The following VPS41 variants were observed in gnomAD, a reference collection of about 807,000 sequenced individuals.
The protein encoded by VPS41 is vacuolar protein sorting-associated protein 41 homolog.
In VPS41, 85 loss-of-function variants were observed where a neutral mutation model predicts 130.9. That is an observed-to-expected ratio of 0.65 (90% CI 0.55 to 0.78). The LOEUF (loss-of-function observed/expected upper bound fraction) is 0.78. Among genes scored for constraint, VPS41 ranks in the 30% least tolerant of loss-of-function variants. VPS41 has a pLI of 0.00. For missense variants in VPS41, 874 were observed against 1,018.7 expected (o/e 0.86, Z 1.93); for synonymous variants, 335 against 332.9 (o/e 1.01, Z -0.07).
chr7:38,780,170 T>G (rs1385709741), intron 10 of VPS41, among the ~76,000 whole-genome samples: 3 of 136,888 alleles, frequency 2.2e-5, no homozygotes, highest in African/African-American at 8.3e-5. Context: ...GACAGGGTGT[T>G]TTTTTTTTTG....
chr7:38,879,905 A>G (rs890363433), intron 2 of VPS41, among the ~76,000 whole-genome samples: 1 of 150,290 alleles, frequency 6.7e-6, no homozygotes, highest in Non-Finnish European at 1.5e-5. Context: ...AAAAAAAAAA[A>G]GAAAGAAAGA....
At chr7:38,895,700 C>G (rs1786970871) in intron 2 of VPS41, among the ~76,000 whole-genome samples, 1 of 152,160 alleles carries the variant, frequency 6.6e-6, no homozygotes, top group Admixed American at 6.5e-5. Context: ...TTAATTTCCT[C>G]TGCTTTGTCC....
At chr7:38,740,678 C>G (rs17617903) in intron 25 of VPS41, among the ~76,000 whole-genome samples, 1 of 151,972 alleles carries the variant, frequency 6.6e-6, no homozygotes. Context: ...CAAAGCTCTC[C>G]GGAGTGAAGG....
At chr7:38,866,493 G>A (rs1786232091) in intron 3 of VPS41, among the ~76,000 whole-genome samples, 1 of 152,176 alleles carries the variant, frequency 6.6e-6, no homozygotes, top group African/African-American at 2.4e-5. Flanking sequence ...CGTGGCTTAG[G>A]TGACAAAGGA....
intron 2 of VPS41, among the ~76,000 whole-genome samples, chr7:38,893,051 A>C (rs1031882100): frequency 1.3e-5 from 2 of 151,998 alleles, no homozygotes; most frequent in African/African-American, 4.8e-5. Context: ...CTTCCAGTTC[A>C]TCTGTCACCA....
chr7:38,847,147 G>A (rs183628637), intron 4 of VPS41, among the ~76,000 whole-genome samples: 8 of 152,352 alleles, frequency 5.3e-5, no homozygotes, highest in Non-Finnish European at 1.2e-4. Flanking sequence ...TGTCTGTGGA[G>A]CCAGAACTCT....
At chr7:38,895,916 G>A (rs1370329252) in intron 2 of VPS41, among the ~76,000 whole-genome samples, 2 of 152,088 alleles carry the variant, frequency 1.3e-5, no homozygotes, top group Non-Finnish European at 1.5e-5. Context: ...TGTGCATTCT[G>A]CCTCGGCTGG....
chr7:38,766,599 C>T (rs556912421), intron 15 of VPS41, among the ~76,000 whole-genome samples: 26 of 152,084 alleles, frequency 1.7e-4, no homozygotes, highest in Non-Finnish European at 3.2e-4. Context: ...TGGCCGTGTC[C>T]CCACCCAAAT....
chr7:38,854,840 CAAG>C (rs973958869), intron 4 of VPS41, among the ~76,000 whole-genome samples: 1 of 76,010 alleles, frequency 1.3e-5, no homozygotes, highest in Non-Finnish European at 2.4e-5. Flanking sequence ...ACCGTACGTT[CAAG>C]AAGTGGAGAA....
chr7:38,768,439 A>T (rs1252442242), intron 14 of VPS41, among the ~76,000 whole-genome samples: 1 of 152,126 alleles, frequency 6.6e-6, no homozygotes, highest in African/African-American at 2.4e-5. Context: ...TCTTCTCTGC[A>T]TGTTTGGTAT....
chr7:38,881,354 T>C (rs1056656336), intron 2 of VPS41, among the ~76,000 whole-genome samples: 1 of 152,182 alleles, frequency 6.6e-6, no homozygotes, highest in African/African-American at 2.4e-5. Context: ...CCCTCTTCCA[T>C]TTACAAAGAC....
chr7:38,845,887 A>G (rs1245121573), intron 4 of VPS41, among the ~76,000 whole-genome samples: 2 of 152,380 alleles, frequency 1.3e-5, no homozygotes, highest in East Asian at 3.9e-4. Context: ...GAAATGAAAG[A>G]CAACTAAATT....
Position 38,869,224 on chromosome 7 carries a change from C to T in VPS41, c.90G>A (p.Leu30=). 1 of 1,612,588 alleles carries T rather than the reference C, an allele frequency of 6.2e-7. No homozygotes were observed. Among genetic ancestry groups the T allele is most frequent in the Non-Finnish European group, 8.5e-7 (1 of 1,179,052 alleles). The change falls in exon 3 of 29, where the codon CTG becomes CTA. Residue 30 remains leucine (L), a synonymous_variant. Transcript: ENST00000310301. ...CCCCATTGGAAAGCCTTTCATACTT[C>T]AGCTTGGGTTCCTCTTCGCTCTCTT... The part of the protein sequence containing the change: ...EEEESEEEPK[L]KYERLSNGVT...
chr7:38,904,193 A>T (rs1164115337), intron 1 of VPS41, among the ~76,000 whole-genome samples: 1 of 152,242 alleles, frequency 6.6e-6, no homozygotes, highest in Non-Finnish European at 1.5e-5. Flanking sequence ...AAGTAGCATG[A>T]GACACAGAAG....
intron 2 of VPS41, among the ~76,000 whole-genome samples, chr7:38,897,794 TAA>T (rs1212929961): frequency 2.0e-5 from 3 of 152,236 alleles, no homozygotes; most frequent in Non-Finnish European, 4.4e-5. Context: ...AGGGGGATGT[TAA>T]AGTGTTGAGA....
At chr7:38,866,612 G>T (rs1399159288) in intron 3 of VPS41, among the ~76,000 whole-genome samples, 2 of 152,166 alleles carry the variant, frequency 1.3e-5, no homozygotes, top group African/African-American at 4.8e-5. Context: ...AAAGACAACA[G>T]CAGATAAAGA....
intron 4 of VPS41, among the ~76,000 whole-genome samples, chr7:38,844,345 T>C (rs868820411): frequency 1.3e-5 from 2 of 152,260 alleles, no homozygotes; most frequent in Admixed American, 6.5e-5. Context: ...GCATCATTTA[T>C]ATATATCTCC....
intron 25 of VPS41, among the ~76,000 whole-genome samples, chr7:38,737,804 A>G (rs759095261): frequency 1.3e-5 from 2 of 152,202 alleles, no homozygotes; most frequent in Non-Finnish European, 2.9e-5. Flanking sequence ...AAAGTTTTGT[A>G]ATCCTGTGAC....
At chr7:38,748,208 C>G (rs1024124855) in intron 22 of VPS41, among the ~76,000 whole-genome samples, 15 of 152,192 alleles carry the variant, frequency 9.9e-5, no homozygotes, top group African/African-American at 3.4e-4. Context: ...ACACACACAA[C>G]ACATGCGCGC....
Sources: gnomAD v4.1 joint callset for allele counts (sites outside exome capture counted in the v4.1 genomes callset) on GRCh38, gnomAD v4.1.1 for gene constraint, MANE v1.5 for transcripts, NCBI Gene and HGNC (gene_info 2026-07-23, HGNC 2026-07-21) for gene names.